Variants in FRMD4A observed in about 807,000 individuals in gnomAD.
The protein encoded by FRMD4A is FERM domain containing 4A, also known as FERM domain-containing protein 4A.
In FRMD4A, 29 loss-of-function variants were observed where a neutral mutation model predicts 129.1. The observed-to-expected ratio is 0.22, with a 90% CI of 0.17 to 0.31. The LOEUF is 0.31. FRMD4A is among the 10% of genes least tolerant of loss of function. The pLI is 1.00. For synonymous variants in FRMD4A, 634 were observed against 571.6 expected (o/e 1.11, Z -1.56); for missense variants, 1,272 against 1,375.8 (o/e 0.92, Z 1.19).
intron 2 of FRMD4A, among the ~76,000 whole-genome samples, chr10:14,167,757 G>T (rs1841265176): frequency 6.6e-6 from 1 of 152,082 alleles, no homozygotes; most frequent in Admixed American, 6.5e-5. Context: ...GCTGCCACAT[G>T]AAGGTGGCCT....
At chr10:13,773,541 G>A (rs972331281) in intron 6 of FRMD4A, among the ~76,000 whole-genome samples, 5 of 152,252 alleles carry the variant, frequency 3.3e-5, no homozygotes, top group Admixed American at 3.3e-4. Flanking sequence ...AGGTTTGCAT[G>A]TAAAGAAGAT....
chr10:14,073,066 CA>C (rs1296338719), intron 2 of FRMD4A, among the ~76,000 whole-genome samples: 1 of 152,142 alleles, frequency 6.6e-6, no homozygotes, highest in African/African-American at 2.4e-5. Context: ...GAAACAAAAA[CA>C]AGACATACAC....
At chr10:14,129,508 C>T (rs1001695609) in intron 2 of FRMD4A, among the ~76,000 whole-genome samples, 14 of 150,576 alleles carry the variant, frequency 9.3e-5, no homozygotes, top group Non-Finnish European at 1.8e-4. Flanking sequence ...GCACCCAGGA[C>T]AGAAGCCTGA....
chr10:14,226,108 G>A lies in FRMD4A; in HGVS notation c.45+103950C>T, dbSNP rs1843426715. ...TCTCTCTCAGGTCACCTCCCTGCAT[G>A]TTTTTTTTAAATTTTAAAAAATTTT... On this transcript the variant is annotated intron_variant, in intron 2 of 24. Coordinates refer to ENST00000357447, the MANE Select transcript of FRMD4A (RefSeq NM_018027.5). Among the ~76,000 whole-genome samples the A allele has an allele frequency of 2.0e-5, 3 of 151,956 alleles. No individual in the cohort carries two copies. The South Asian group carries it at 6.2e-4, about 32-fold the overall frequency.
Position 14,084,909 on chromosome 10 carries a change from C to A in FRMD4A, c.46-225997G>T, listed in dbSNP as rs193044618. 1.2e-4 allele frequency among the ~76,000 whole-genome samples: 19 copies of A among 152,326 alleles called. No individual in the cohort carries two copies. In the East Asian group the frequency reaches 1.4e-3, roughly 11 times the overall value. On this transcript the variant is annotated intron_variant, in intron 2 of 24. Coordinates refer to ENST00000357447, the MANE Select transcript of FRMD4A (RefSeq NM_018027.5). The stretch of plus-strand genomic sequence containing the variant: ...GCCTCCTGGCTGACCCTGGTGCTTC[C>A]CCGCATGGCCCTGTGTGGCGTGGCT...
At chr10:13,864,388 T>A (rs1032468905) in intron 2 of FRMD4A, among the ~76,000 whole-genome samples, 2 of 151,360 alleles carry the variant, frequency 1.3e-5, no homozygotes, top group South Asian at 4.2e-4. Context: ...TATGTCTTAC[T>A]GAGAATAGTT....
intron 2 of FRMD4A, among the ~76,000 whole-genome samples, chr10:14,183,824 T>C (rs1335922265): frequency 6.6e-6 from 1 of 152,232 alleles, no homozygotes; most frequent in African/African-American, 2.4e-5. Context: ...GTGTGAAGAA[T>C]ATTTCTGTCT....
intron 2 of FRMD4A, among the ~76,000 whole-genome samples, chr10:14,224,065 G>A (rs529809181): frequency 7.9e-5 from 12 of 152,300 alleles, no homozygotes; most frequent in Non-Finnish European, 1.5e-4. Flanking sequence ...GCTCAGGCGA[G>A]GAGTCCTGTG....
At chr10:13,790,260 G>A (rs985004854) in intron 5 of FRMD4A, among the ~76,000 whole-genome samples, 1 of 152,136 alleles carries the variant, frequency 6.6e-6, no homozygotes, top group Non-Finnish European at 1.5e-5. Context: ...CGAAAGGGGA[G>A]CACATTTGGA....
chr10:13,811,006 C>G, intron 3 of FRMD4A, 98 bp from the exon 4 acceptor site: 1 of 633,970 alleles, frequency 1.6e-6, no homozygotes, highest in South Asian at 1.9e-5. Flanking sequence ...AATGAAATGT[C>G]ACAAAGCTCA....
chr10:14,228,485 T>C (rs1179485989), intron 2 of FRMD4A, among the ~76,000 whole-genome samples: 1 of 152,242 alleles, frequency 6.6e-6, no homozygotes, highest in Non-Finnish European at 1.5e-5. Context: ...TAGGTGAAAA[T>C]AGTGTTTTGC....
intron 12 of FRMD4A, chr10:13,707,484 G>C: frequency 3.0e-6 from 3 of 1,015,366 alleles, no homozygotes; most frequent in Non-Finnish European, 3.5e-6. Context: ...GGACCCAGCA[G>C]GGAAGGCGGC....
intron 2 of FRMD4A, among the ~76,000 whole-genome samples, chr10:14,026,140 C>T (rs1421492773): frequency 6.6e-6 from 1 of 152,134 alleles, no homozygotes; most frequent in East Asian, 1.9e-4. Flanking sequence ...GAAGGTGGGC[C>T]TCATGAGATC....
chr10:14,106,015 G>C (rs893156235), intron 2 of FRMD4A, among the ~76,000 whole-genome samples: 3 of 151,986 alleles, frequency 2.0e-5, no homozygotes, highest in Admixed American at 2.0e-4. Flanking sequence ...TAATTCTTTA[G>C]GGATTGCAAA....
intron 2 of FRMD4A, among the ~76,000 whole-genome samples, chr10:14,264,908 A>T (rs549098940): frequency 6.6e-6 from 1 of 152,188 alleles, no homozygotes; most frequent in African/African-American, 2.4e-5. Flanking sequence ...CAGCCTCCTG[A>T]GTAGCTGGGA....
chr10:14,132,394 A>AT (rs1839306377), intron 2 of FRMD4A, among the ~76,000 whole-genome samples: 1 of 152,244 alleles, frequency 6.6e-6, no homozygotes. Context: ...AATGAGAAGT[A>AT]TTGAGGGAAA....
chr10:14,123,520 AAGCTCCTGGGTAG>A (rs1258735661), intron 2 of FRMD4A, among the ~76,000 whole-genome samples: 10 of 152,340 alleles, frequency 6.6e-5, no homozygotes, highest in Admixed American at 6.5e-4. Context: ...TAGAAGGCTC[AAGCTCCTGGGTAG>A]AGCTCCTGGG....
chr10:14,048,544 G>A (rs1182151564), intron 2 of FRMD4A, among the ~76,000 whole-genome samples: 1 of 152,164 alleles, frequency 6.6e-6, no homozygotes, highest in Non-Finnish European at 1.5e-5. Context: ...GGTGGCTCAT[G>A]CCTGTAATCA....
chr10:14,139,708 T>TG (rs1839738413), intron 2 of FRMD4A, among the ~76,000 whole-genome samples: 3 of 152,152 alleles, frequency 2.0e-5, no homozygotes, highest in Non-Finnish European at 4.4e-5. Flanking sequence ...CTTCAGCCTC[T>TG]CAGACTGTTA....
Sources: allele counts gnomAD v4.1 joint callset (sites outside exome capture counted in the v4.1 genomes callset), GRCh38; gene constraint gnomAD v4.1.1; transcripts MANE v1.5; gene names NCBI Gene and HGNC (gene_info 2026-07-23, HGNC 2026-07-21).